Variants in AGMO observed in about 807,000 individuals in gnomAD.
AGMO encodes the protein glyceryl-ether monooxygenase.
Under a neutral mutation model 60.2 loss-of-function variants are expected in AGMO, and 75 were observed. The ratio of observed to expected loss-of-function variants is 1.25; its 90% CI spans 1.03 to 1.51. The LOEUF is 1.51. Ranked by LOEUF, AGMO falls within the 40% of genes most tolerant of loss-of-function variation. The pLI is 0.00. For synonymous variants in AGMO, 261 were observed against 177.1 expected, an observed-to-expected ratio of 1.47 and a Z score of -3.76; for missense variants, 763 against 525.5, an observed-to-expected ratio of 1.45 and a Z score of -4.42.
At chr7:15,209,480 T>C (rs556044245) in intron 12 of AGMO, among the ~76,000 whole-genome samples, 249 of 152,256 alleles carry the variant, frequency 1.6e-3, no homozygotes, top group Non-Finnish European at 2.9e-3. Context: ...TGAAAAGATA[T>C]GTTTTGAAAA....
chr7:15,198,237 G>C (rs867049742), downstream of AGMO, among the ~76,000 whole-genome samples: 85 of 112,682 alleles, frequency 7.5e-4, 1 homozygote, highest in Middle Eastern at 4.0e-3. Flanking sequence ...GAGAGAGAGA[G>C]AGAGAGAGAG....
intron 12 of AGMO, among the ~76,000 whole-genome samples, chr7:15,299,887 A>ACACACACT (rs1170360550): frequency 6.2e-5 from 6 of 97,282 alleles, no homozygotes; most frequent in African/African-American, 2.2e-4. Flanking sequence ...ACACACACAC[A>ACACACACT]GTATGTTTTG....
chr7:15,411,506 T>C (rs547880670), intron 5 of AGMO, among the ~76,000 whole-genome samples: 1 of 152,148 alleles, frequency 6.6e-6, no homozygotes, highest in Non-Finnish European at 1.5e-5. Context: ...TACTTATTTG[T>C]AATGTAAGTT....
the AGMO span, among the ~76,000 whole-genome samples, chr7:15,150,707 T>G: frequency 1.3e-5 from 2 of 152,144 alleles, no homozygotes; most frequent in African/African-American, 4.8e-5. Context: ...GATTGGCTAC[T>G]ATTTTATTGA....
rs543789975 is a variant in AGMO, at chr7:15,283,649, T to G, written c.1263+81865A>C. Among the ~76,000 whole-genome samples the G allele has an allele frequency of 2.0e-5, 3 of 151,996 alleles. No individual in the cohort carries two copies. The South Asian group carries it at 6.2e-4, about 31-fold the overall frequency. On this transcript the variant is annotated intron_variant, in intron 12 of 12. Transcript: ENST00000342526. ...GCAATAATAATGGGGAACTTCAACA[T>G]TCCACTGACACTAGACAGATCTTCA... is the stretch of plus-strand genomic sequence containing the variant.
At chr7:15,469,096 A>T (rs1782370221) in intron 3 of AGMO, among the ~76,000 whole-genome samples, 1 of 152,116 alleles carries the variant, frequency 6.6e-6, no homozygotes, top group South Asian at 2.1e-4. Context: ...TGCATGTTAC[A>T]CAGTGAGTGT....
chr7:15,335,417 C>T (rs1427605124), intron 12 of AGMO, among the ~76,000 whole-genome samples: 1 of 152,116 alleles, frequency 6.6e-6, no homozygotes, highest in Non-Finnish European at 1.5e-5. Flanking sequence ...AATATTTCTT[C>T]TGTCATAGTG....
chr7:15,412,417 T>C (rs1033988015), intron 5 of AGMO, among the ~76,000 whole-genome samples: 1 of 151,828 alleles, frequency 6.6e-6, no homozygotes, highest in Admixed American at 6.6e-5. Context: ...ACTGGAAATA[T>C]AAGGGGGAAA....
At chr7:15,533,656 T>A (rs1157329260) in intron 3 of AGMO, among the ~76,000 whole-genome samples, 1 of 152,110 alleles carries the variant, frequency 6.6e-6, no homozygotes, top group Non-Finnish European at 1.5e-5. Context: ...AGATTCTGCA[T>A]AATGACTTAT....
At chr7:15,544,665 C>G in intron 3 of AGMO, 107 bp downstream of exon 3, 6 of 942,888 alleles carry the variant, frequency 6.4e-6, no homozygotes, top group Non-Finnish European at 8.7e-6. Flanking sequence ...GTAAAATATA[C>G]TATTTTATTC....
intron 3 of AGMO, among the ~76,000 whole-genome samples, chr7:15,473,835 T>G (rs1037447461): frequency 3.9e-5 from 6 of 152,146 alleles, no homozygotes; most frequent in Admixed American, 3.3e-4. Flanking sequence ...AATCTTAAGC[T>G]GATAAGCAAC....
chr7:15,270,441 A>G (rs1379587944), intron 12 of AGMO, among the ~76,000 whole-genome samples: 1 of 151,774 alleles, frequency 6.6e-6, no homozygotes, highest in Non-Finnish European at 1.5e-5. Flanking sequence ...ATGTCTGTTC[A>G]TGTCCTTTGC....
chr7:15,364,991 C>A (rs1020507078), intron 12 of AGMO, among the ~76,000 whole-genome samples: 1 of 151,908 alleles, frequency 6.6e-6, no homozygotes, highest in Non-Finnish European at 1.5e-5. Context: ...CCCAAAAGTT[C>A]AATGCAGTTC....
chr7:15,321,945 T>C (rs1376968133), intron 12 of AGMO, among the ~76,000 whole-genome samples: 2 of 151,990 alleles, frequency 1.3e-5, no homozygotes, highest in Non-Finnish European at 2.9e-5. Context: ...TTTTTCTTAC[T>C]GGGTTTTTGA....
chr7:15,469,225 G>A (rs1180169086), intron 3 of AGMO, among the ~76,000 whole-genome samples: 1 of 151,924 alleles, frequency 6.6e-6, no homozygotes, highest in African/African-American at 2.4e-5. Flanking sequence ...GGCAGTAACA[G>A]GACTATTTTT....
the AGMO span, among the ~76,000 whole-genome samples, chr7:15,193,282 C>G: frequency 6.6e-6 from 1 of 152,100 alleles, no homozygotes; most frequent in Non-Finnish European, 1.5e-5. Flanking sequence ...ATAATTAACT[C>G]CAACATATGT....
the AGMO span, among the ~76,000 whole-genome samples, chr7:15,155,922 C>T: frequency 6.6e-6 from 1 of 152,220 alleles, no homozygotes; most frequent in African/African-American, 2.4e-5. Context: ...CCCAGCACTC[C>T]TGAGCTACAT....
intron 3 of AGMO, among the ~76,000 whole-genome samples, chr7:15,444,382 T>A (rs186555021): frequency 6.6e-6 from 1 of 152,308 alleles, no homozygotes; most frequent in Non-Finnish European, 1.5e-5. Context: ...TTTGTTTTTA[T>A]CTCCAGCATG....
Position 15,395,503 on chromosome 7 carries a change from T to C in AGMO, c.610-1324A>G, listed in dbSNP as rs567933808. Among the ~76,000 whole-genome samples the C allele has an allele frequency of 1.5e-4, 23 of 152,278 alleles. No individual in the cohort carries two copies. In the East Asian group the frequency reaches 1.7e-3, roughly 12 times the overall value. On this transcript the variant is annotated intron_variant, in intron 5 of 12. Coordinates refer to ENST00000342526, the MANE Select transcript of AGMO (RefSeq NM_001004320.2). ...AAAATATTTTCATTGGGAGTTATAA[T>C]AACATTGTCATTTTGTTAGAAAATG...
Sources: allele counts gnomAD v4.1 joint callset (sites outside exome capture counted in the v4.1 genomes callset), GRCh38; gene constraint gnomAD v4.1.1; transcripts MANE v1.5; gene names NCBI Gene and HGNC (gene_info 2026-07-23, HGNC 2026-07-21).